Variants in VAV1 observed in about 807,000 individuals in gnomAD.
VAV1 encodes proto-oncogene vav.
Under a neutral mutation model 128.1 loss-of-function variants are expected in VAV1, and 33 were observed. That is an observed-to-expected ratio of 0.26 (90% confidence interval 0.20 to 0.34). The LOEUF (loss-of-function observed/expected upper bound fraction) is 0.34. Among genes scored for constraint, VAV1 ranks in the 10% least tolerant of loss-of-function variants. The probability of loss-of-function intolerance (pLI) is 1.00; values close to 1 mark genes in which losing one functional copy is unlikely to be tolerated. For synonymous variants in VAV1, 394 were observed against 409.8 expected (o/e 0.96, Z 0.47); for missense variants, 715 against 1,093.7 (o/e 0.65, Z 4.88).
intron 26 of VAV1, among the ~76,000 whole-genome samples, chr19:6,855,635 G>GCATC (rs1241296279): frequency 1.3e-5 from 2 of 150,928 alleles, no homozygotes; most frequent in African/African-American, 4.9e-5. Flanking sequence ...TTCTATCTGT[G>GCATC]CATCCATCCA....
intron 1 of VAV1, among the ~76,000 whole-genome samples, chr19:6,780,112 AAATAATAATAATAATAAT>A (rs55937714): frequency 2.4e-4 from 30 of 127,510 alleles, no homozygotes; most frequent in East Asian, 4.4e-4. Context: ...CTCTGTCTTA[AAATAATAATAATAATAAT>A]AATAATAATA....
chr19:6,784,239 A>G (rs1365531485), intron 1 of VAV1: 1 of 651,076 alleles, frequency 1.5e-6, no homozygotes, highest in Non-Finnish European at 2.8e-6. Context: ...ACTGGACAAA[A>G]GAGTAAGACC....
chr19:6,784,491 TC>T (rs1970841242), intron 1 of VAV1, among the ~76,000 whole-genome samples: 1 of 145,316 alleles, frequency 6.9e-6, no homozygotes, highest in African/African-American at 2.6e-5. Context: ...TCCATTCTGT[TC>T]CTTTTTTTTT....
chr19:6,793,355 G>GAAA (rs1971058786), intron 1 of VAV1, among the ~76,000 whole-genome samples: 1 of 151,738 alleles, frequency 6.6e-6, no homozygotes, highest in Admixed American at 6.6e-5. Context: ...AAGAAAGAAA[G>GAAA]AAAGGACCAT....
intron 9 of VAV1, among the ~76,000 whole-genome samples, chr19:6,827,640 C>A (rs1457454005): frequency 5.3e-5 from 8 of 152,042 alleles, no homozygotes; most frequent in African/African-American, 1.9e-4. Flanking sequence ...CCTCTGTCAC[C>A]CAGGTTGGAG....
At position 6,833,273 on chromosome 19, in the gene VAV1, A is replaced by G; in HGVS notation, c.1598A>G (p.Gln533Arg). The G allele has an allele frequency of 6.2e-6, 10 of 1,612,464 alleles. No individual in the cohort carries two copies. The highest frequency in any genetic ancestry group is 8.5e-6 in the Non-Finnish European group (10 of 1,179,532). Residue 533 changes from glutamine to arginine, a missense_variant, in exon 16 of 27, where the codon CAG becomes CGG. This residue lies in a region of VAV1 where 407 missense variants were observed against 580.6 expected (regional missense o/e 0.70). Transcript: ENST00000602142. ...GAGACCACATCCTGCAAGGCCTGTC[A>G]GATGCTGCTTAGGTGAGAATCTGGG... ...FEETTSCKAC[Q>R]MLLRGTFYQG...
At chr19:6,791,505 T>G (rs1419085605) in intron 1 of VAV1, among the ~76,000 whole-genome samples, 1 of 152,040 alleles carries the variant, frequency 6.6e-6, no homozygotes, top group East Asian at 1.9e-4. Context: ...CCTTGAGATA[T>G]CTCCTCATTT....
At chr19:6,814,549 T>A (rs10419572) in intron 1 of VAV1, among the ~76,000 whole-genome samples, 43,867 of 151,598 alleles carry the variant, frequency 0.29, 10,329 homozygotes, top group African/African-American at 0.66. Flanking sequence ...TAATTTCAGC[T>A]ATTTATCTAT....
chr19:6,823,362 T>C (rs1265339777), intron 6 of VAV1, among the ~76,000 whole-genome samples: 1 of 151,434 alleles, frequency 6.6e-6, no homozygotes, highest in East Asian at 1.9e-4. Context: ...TGACCTCAAG[T>C]GATCTGCCCA....
intron 1 of VAV1, among the ~76,000 whole-genome samples, chr19:6,797,044 C>T (rs1000561720): frequency 1.3e-5 from 2 of 151,874 alleles, no homozygotes; most frequent in Admixed American, 6.6e-5. Context: ...CCAGCCCAGC[C>T]AACGTGACAA....
At chr19:6,842,826 T>A (rs1972413210) in intron 21 of VAV1, among the ~76,000 whole-genome samples, 1 of 152,024 alleles carries the variant, frequency 6.6e-6, no homozygotes, top group African/African-American at 2.4e-5. Context: ...ATAGTGAGAC[T>A]CTGTCCCTAA....
At chr19:6,818,164 G>C (rs1460293439) in intron 1 of VAV1, among the ~76,000 whole-genome samples, 1 of 152,128 alleles carries the variant, frequency 6.6e-6, no homozygotes, top group Non-Finnish European at 1.5e-5. Flanking sequence ...GTGTTGACCA[G>C]GCTGGTCTTG....
chr19:6,832,062 C>T lies in VAV1; in HGVS notation c.1399-29C>T, dbSNP rs1413481760. On this transcript the variant is annotated intron_variant, in intron 14 of 26. Coordinates refer to ENST00000602142, the MANE Select transcript of VAV1 (RefSeq NM_005428.4). ...GCTCCCACCCTCTGCGGGGGCAGTG[C>T]CTTCAGTCTGAGCTCTGCTTCCCTG... is the stretch of plus-strand genomic sequence containing the variant. The T allele has an allele frequency of 5.0e-6, 8 of 1,608,576 alleles. No homozygotes were observed. In the Middle Eastern group the frequency reaches 5.2e-4, roughly 104 times the overall value.
At chr19:6,815,618 A>G (rs1297472746) in intron 1 of VAV1, among the ~76,000 whole-genome samples, 1 of 152,224 alleles carries the variant, frequency 6.6e-6, no homozygotes, top group Admixed American at 6.5e-5. Context: ...ACAGGGTTAC[A>G]ACAGACATTA....
Position 6,857,221 on chromosome 19 carries a change from TGGA to T in VAV1, c.*120_*122del. ...GGCGGGTGGAGACTTTGGGATGGACTGGAGGAGGCCAGCGTCCAGCTGGCGGTG... is the reference window on the plus strand; with the variant it reads ...GGCGGGTGGAGACTTTGGGATGGACTGGAGGCCAGCGTCCAGCTGGCGGTG... On this transcript the variant is annotated 3_prime_UTR_variant, in exon 27 of 27. Transcript: ENST00000602142. 1 of 1,442,300 alleles carries T rather than the reference TGGA, an allele frequency of 6.9e-7. No homozygotes were observed. Among genetic ancestry groups the T allele is most frequent in the South Asian group, 1.2e-5 (1 of 80,762 alleles). 89.3% of individuals were successfully genotyped at this position (1,442,300 alleles called of 1,614,324 possible).
At position 6,820,989 on chromosome 19, in the gene VAV1, T is replaced by C. The variant is rs1347318717; in HGVS notation, c.321+171T>C. Among the ~76,000 whole-genome samples the C allele has an allele frequency of 1.3e-5, 2 of 152,240 alleles. No individual in the cohort carries two copies. Among genetic ancestry groups the C allele is most frequent in the African/African-American group, 4.8e-5 (2 of 41,466 alleles). On this transcript the variant is annotated intron_variant, in intron 2 of 26. Coordinates refer to ENST00000602142, the MANE Select transcript of VAV1 (RefSeq NM_005428.4). The surrounding 1 kb of genome is among the most constrained non-coding windows in gnomAD (Gnocchi z 4.4). The stretch of plus-strand genomic sequence containing the variant: ...TGTGGAACTGGGTTTGAGTTCCTGC[T>C]CTGACACTTGCTGTGTGACCTTGGA...
chr19:6,773,918 C>G (rs2144679483), intron 1 of VAV1, among the ~76,000 whole-genome samples: 1 of 151,884 alleles, frequency 6.6e-6, no homozygotes, highest in East Asian at 1.9e-4. Flanking sequence ...AAAGGAGATA[C>G]AGCCCTATCC....
chr19:6,778,779 G>A (rs939232636), intron 1 of VAV1, among the ~76,000 whole-genome samples: 9 of 151,950 alleles, frequency 5.9e-5, no homozygotes, highest in African/African-American at 1.9e-4. Flanking sequence ...GTGGTGGCTC[G>A]TGCCTGTAAT....
In VAV1 at chr19:6,847,967, T is replaced by C. The variant is rs371088083; in HGVS notation, c.2013-31T>C. Reference sequence around the variant, plus strand: ...TATGGGGACCCAGGCACGGGGACCGTGCCACCTCTGTCCTTGGTGTCTCTT... The same window carrying C: ...TATGGGGACCCAGGCACGGGGACCGCGCCACCTCTGTCCTTGGTGTCTCTT... On this transcript the variant is annotated intron_variant, in intron 22 of 26. Coordinates refer to ENST00000602142, the MANE Select transcript of VAV1 (RefSeq NM_005428.4). The C allele has an allele frequency of 5.5e-6, 8 of 1,464,864 alleles. No homozygotes were observed. The African/African-American group carries it at 7.4e-5, about 14-fold the overall frequency. 90.7% of individuals were successfully genotyped at this position (1,464,864 alleles called of 1,614,324 possible).
Sources: gnomAD v4.1 joint callset for allele counts (sites outside exome capture counted in the v4.1 genomes callset) on GRCh38, gnomAD v4.1.1 for gene constraint, gnomAD v4.1.1 regional missense constraint, Gnocchi (gnomAD v3.1) non-coding constraint, MANE v1.5 for transcripts, NCBI Gene and HGNC (gene_info 2026-07-23, HGNC 2026-07-21) for gene names.